The following CFAP57 variants were observed in gnomAD, a reference collection of about 807,000 sequenced individuals.
CFAP57 encodes cilia and flagella associated protein 57.
CFAP57 carries 116 observed loss-of-function variants against 146.8 expected under a neutral mutation model. The ratio of observed to expected loss-of-function variants is 0.79; its 90% CI spans 0.68 to 0.92. CFAP57 has a LOEUF of 0.92. CFAP57 is among the 40% of genes least tolerant of loss of function. The pLI, the probability that CFAP57 is intolerant of heterozygous loss-of-function variation, is 0.00. For missense variants in CFAP57, 1,377 were observed against 1,527.2 expected (o/e 0.90, Z 1.64); for synonymous variants, 518 against 552.8 (o/e 0.94, Z 0.88).
At chr1:43,222,457 A>G (rs1645082515) in intron 15 of CFAP57, among the ~76,000 whole-genome samples, 162 bp downstream of exon 15, 1 of 152,220 alleles carries the variant, frequency 6.6e-6, no homozygotes, top group Non-Finnish European at 1.5e-5. Context: ...GAGACAGCCA[A>G]ATAACATCGC....
intron 2 of CFAP57, among the ~76,000 whole-genome samples, chr1:43,179,806 T>C (rs1336015629): frequency 1.3e-5 from 2 of 152,164 alleles, no homozygotes; most frequent in Non-Finnish European, 2.9e-5. Context: ...ATCTTTTCCT[T>C]TCTTCTCCCT....
intron 17 of CFAP57, among the ~76,000 whole-genome samples, chr1:43,226,487 A>G (rs1194711688): frequency 6.6e-6 from 1 of 152,180 alleles, no homozygotes; most frequent in African/African-American, 2.4e-5. Context: ...TACATAGCAG[A>G]TGCCCTCCCC....
At chr1:43,189,760 C>G (rs901626290) in intron 6 of CFAP57, among the ~76,000 whole-genome samples, 17 of 152,154 alleles carry the variant, frequency 1.1e-4, no homozygotes, top group African/African-American at 3.9e-4. Context: ...GCATCTGCTT[C>G]TGGTAAGGGT....
intron 2 of CFAP57, among the ~76,000 whole-genome samples, chr1:43,174,981 A>G (rs1234227366): frequency 6.6e-6 from 1 of 152,212 alleles, no homozygotes; most frequent in Non-Finnish European, 1.5e-5. Flanking sequence ...TTCTGCATTT[A>G]CTGATAATGT....
chr1:43,193,996 A>G (rs1643707281), intron 6 of CFAP57, among the ~76,000 whole-genome samples: 1 of 152,100 alleles, frequency 6.6e-6, no homozygotes, highest in Non-Finnish European at 1.5e-5. Flanking sequence ...TGCTTTTTAA[A>G]TCAGCTAAAA....
rs143238030 is a variant in CFAP57, at chr1:43,252,198, G to T, written c.3539-1779G>T. ...AAAGAAAAGAAAAGAAAGAGTCAAA[G>T]CAAAATAGAACGAATTAAGAAACTA... On this transcript the variant is annotated intron_variant, in intron 22 of 22. Transcript: ENST00000372492. Among the ~76,000 whole-genome samples the T allele has an allele frequency of 2.6e-3, 393 of 152,154 alleles. 2 individuals are homozygous for T. The highest frequency in any genetic ancestry group is 0.014 in the South Asian group (68 of 4,812).
chr1:43,189,063 A>G (rs1014616698), intron 6 of CFAP57, among the ~76,000 whole-genome samples: 4 of 152,214 alleles, frequency 2.6e-5, no homozygotes, highest in Non-Finnish European at 5.9e-5. Flanking sequence ...CAGTTGACAC[A>G]TGGGTTTGTT....
chr1:43,224,780 C>T (rs560075321), intron 17 of CFAP57, among the ~76,000 whole-genome samples: 3 of 152,310 alleles, frequency 2.0e-5, no homozygotes, highest in African/African-American at 7.2e-5. Flanking sequence ...AGATTCCGTG[C>T]CCTCCTCTCC....
chr1:43,179,993 A>G (rs1557725687), intron 2 of CFAP57, among the ~76,000 whole-genome samples: 1 of 151,844 alleles, frequency 6.6e-6, no homozygotes, highest in Non-Finnish European at 1.5e-5. Context: ...GATCACCTGA[A>G]GTTGGGAGTT....
At position 43,215,432 on chromosome 1, in the gene CFAP57, A is replaced by G. The variant is rs1233776914; in HGVS notation, c.2091+16A>G. Reference sequence around the variant, plus strand: ...GGAAGAAAAGGTAAGAACTGGATCTAATGAAGAGGGATATGGAATTACTTA... The same window carrying G: ...GGAAGAAAAGGTAAGAACTGGATCTGATGAAGAGGGATATGGAATTACTTA... On this transcript the variant is annotated intron_variant, in intron 12 of 22. Coordinates refer to ENST00000372492, the MANE Select transcript of CFAP57 (RefSeq NM_001378189.1). 9 of 1,548,492 alleles carry G rather than the reference A, an allele frequency of 5.8e-6. No individual in the cohort carries two copies. In the African/African-American group the frequency reaches 9.6e-5, roughly 16 times the overall value.
chr1:43,232,405 CG>C (rs1645508426), intron 18 of CFAP57, 102 bp from the exon 19 acceptor site: 3 of 892,972 alleles, frequency 3.4e-6, no homozygotes, highest in African/African-American at 1.7e-5. Context: ...AAGAAATGCC[CG>C]GGTGTCAGGG....
chr1:43,248,825 T>C (rs530136697), intron 22 of CFAP57, among the ~76,000 whole-genome samples: 13 of 150,450 alleles, frequency 8.6e-5, no homozygotes, highest in Admixed American at 6.6e-4. Context: ...ATGAGCATTT[T>C]ATACATGAGA....
intron 2 of CFAP57, among the ~76,000 whole-genome samples, chr1:43,178,050 T>C (rs567092145): frequency 1.3e-5 from 2 of 152,340 alleles, no homozygotes; most frequent in East Asian, 3.9e-4. Context: ...GGATTCCCTA[T>C]TTAATAAATG....
chr1:43,179,469 T>G (rs1489351358), intron 2 of CFAP57, among the ~76,000 whole-genome samples: 1 of 152,200 alleles, frequency 6.6e-6, no homozygotes, highest in Non-Finnish European at 1.5e-5. Flanking sequence ...AAGAATGGCC[T>G]CTGCCCTCCA....
intron 12 of CFAP57, among the ~76,000 whole-genome samples, chr1:43,217,956 T>C (rs138445007): frequency 1.1e-3 from 173 of 152,208 alleles, no homozygotes; most frequent in African/African-American, 3.1e-3. Context: ...CCATATCACA[T>C]GCAGTGAGTG....
chr1:43,183,579 C>T lies in CFAP57; in HGVS notation c.475-12C>T, dbSNP rs1170610607. On this transcript the variant is annotated splice_polypyrimidine_tract_variant and intron_variant, in intron 3 of 22. Transcript: ENST00000372492. ...CATAAATTTTTTTCTTCAATTCTCTCACATTTTACAGGTGAGCTTCAGTCC... is the reference window on the plus strand; with the variant it reads ...CATAAATTTTTTTCTTCAATTCTCTTACATTTTACAGGTGAGCTTCAGTCC... 1 of 1,613,484 alleles carries T rather than the reference C, an allele frequency of 6.2e-7. No homozygotes were observed.
At chr1:43,222,444 G>A in intron 15 of CFAP57, 149 bp downstream of exon 15, 2 of 660,608 alleles carry the variant, frequency 3.0e-6, no homozygotes, top group Non-Finnish European at 2.3e-6. Flanking sequence ...ATATCAAATG[G>A]GAGAGACAGC....
Position 43,248,820 on chromosome 1 carries a change from CATTTTATACATGAGA to C in CFAP57, c.3539-5155_3539-5141del, listed in dbSNP as rs778716445. ...GAAATCCTGAACTATCAGATATGAG[CATTTTATACATGAGA>C]ACAATTCCACAACTTTTAGAAACAT... is the stretch of plus-strand genomic sequence containing the variant. On this transcript the variant is annotated intron_variant, in intron 22 of 22. Coordinates refer to ENST00000372492, the MANE Select transcript of CFAP57 (RefSeq NM_001378189.1). Among the ~76,000 whole-genome samples the C allele has an allele frequency of 2.9e-3, 435 of 151,168 alleles. 2 individuals are homozygous for C. Among genetic ancestry groups the C allele is most frequent in the Middle Eastern group, 7.0e-3 (2 of 284 alleles).
intron 10 of CFAP57, among the ~76,000 whole-genome samples, chr1:43,207,160 G>A (rs1244374960): frequency 6.6e-6 from 1 of 152,180 alleles, no homozygotes; most frequent in Admixed American, 6.5e-5. Context: ...AAATTGCGGG[G>A]CTCTTTTTCA....
Sources: allele counts gnomAD v4.1 joint callset (sites outside exome capture counted in the v4.1 genomes callset), GRCh38; gene constraint gnomAD v4.1.1; transcripts MANE v1.5; gene names NCBI Gene and HGNC (gene_info 2026-07-23, HGNC 2026-07-21).